The following FANCC variants were observed in gnomAD, a reference collection of about 807,000 sequenced individuals.
FANCC encodes the protein Fanconi anemia group C protein.
A neutral mutation model predicts 71.3 loss-of-function variants in FANCC; 55 were observed. That is an observed-to-expected ratio of 0.77 (90% CI 0.62 to 0.97). FANCC has a LOEUF of 0.97. FANCC is among the 50% of genes least tolerant of loss of function. FANCC has a pLI of 0.00. For synonymous variants in FANCC, 275 were observed against 244.9 expected (o/e 1.12, Z -1.15); for missense variants, 678 against 670.9 (o/e 1.01, Z -0.12).
At chr9:95,278,692 C>T (rs1365260859) in intron 1 of FANCC, among the ~76,000 whole-genome samples, 1 of 152,042 alleles carries the variant, frequency 6.6e-6, no homozygotes, top group Non-Finnish European at 1.5e-5. Flanking sequence ...ACAATATTTT[C>T]AACTTATGAT....
At chr9:95,170,785 G>C (rs568503664) in intron 6 of FANCC, among the ~76,000 whole-genome samples, 4 of 151,910 alleles carry the variant, frequency 2.6e-5, no homozygotes, top group African/African-American at 9.7e-5. Flanking sequence ...GTAAAACTAA[G>C]TACTGCTCTT....
chr9:95,259,591 G>A (rs1056960436), intron 1 of FANCC, among the ~76,000 whole-genome samples: 9 of 151,978 alleles, frequency 5.9e-5, no homozygotes, highest in African/African-American at 2.2e-4. Context: ...TAAAAACCCT[G>A]GAAGAAAACC....
intron 4 of FANCC, among the ~76,000 whole-genome samples, chr9:95,225,244 C>T (rs571251744): frequency 2.0e-5 from 3 of 152,282 alleles, no homozygotes; most frequent in African/African-American, 7.2e-5. Context: ...TCACTAGTGG[C>T]TATTCATTAA....
In FANCC at chr9:95,244,678, C is replaced by CAAAA. The variant is rs576605250; in HGVS notation, c.250+2750_250+2753dup. ...TAGGCAACAGAGCAAGACTTTGTCT[C>CAAAA]AAAAAAAAAAAAAAAAAAAAAAAAA... is the stretch of plus-strand genomic sequence containing the variant. On this transcript the variant is annotated intron_variant, in intron 3 of 14. Coordinates refer to ENST00000289081, the MANE Select transcript of FANCC (RefSeq NM_000136.3). 4.2e-3 allele frequency among the ~76,000 whole-genome samples: 175 copies of CAAAA among 41,580 alleles called. 3 individuals carry two copies. Among genetic ancestry groups the CAAAA allele is most frequent in the African/African-American group, 8.5e-3 (86 of 10,072 alleles). The allele number at this position is 41,580 out of a possible 152,430, so 27.3% of individuals were successfully genotyped here. A position where few individuals can be genotyped will look rare whatever the true frequency, so the allele number is the denominator to read the frequency against.
chr9:95,158,107 T>G (rs1412665616), intron 6 of FANCC, among the ~76,000 whole-genome samples: 2 of 152,152 alleles, frequency 1.3e-5, no homozygotes, highest in Non-Finnish European at 2.9e-5. Flanking sequence ...CAGGCAACTC[T>G]CCGGCCTACC....
In FANCC at chr9:95,214,961, T is replaced by G. The variant is rs539855937; in HGVS notation, c.345+25688A>C. ...GAATGTACTTAATACCACTGAACTA[T>G]ATACTTAAAAATGGTTAAGATAATA... On this transcript the variant is annotated intron_variant, in intron 4 of 14. Coordinates refer to ENST00000289081, the MANE Select transcript of FANCC (RefSeq NM_000136.3). Among the ~76,000 whole-genome samples the G allele has an allele frequency of 2.6e-5, 4 of 152,310 alleles. No homozygotes were observed. The South Asian group carries it at 8.3e-4, about 32-fold the overall frequency.
chr9:95,245,046 C>T (rs896787032), intron 3 of FANCC, among the ~76,000 whole-genome samples: 4 of 152,120 alleles, frequency 2.6e-5, no homozygotes, highest in Non-Finnish European at 1.5e-5. Flanking sequence ...AACCTCCCCA[C>T]GTTTCTCACA....
chr9:95,237,225 C>T (rs1830371950), intron 4 of FANCC, among the ~76,000 whole-genome samples: 2 of 152,196 alleles, frequency 1.3e-5, no homozygotes, highest in Admixed American at 1.3e-4. Flanking sequence ...CTCACCTGTT[C>T]CCTACCCACA....
rs568977569 is a variant in FANCC at position 95,145,965 on chromosome 9, T to C, written c.686+3958A>G. 2.7e-5 allele frequency among the ~76,000 whole-genome samples: 4 copies of C among 150,022 alleles called. No homozygotes were observed. The South Asian group carries it at 8.6e-4, about 32-fold the overall frequency. ...AATGTGTAGATCTGAACTCTGATTC[T>C]TTATTTTTTTTTATTTGAACTCTGA... On this transcript the variant is annotated intron_variant, in intron 7 of 14. Coordinates refer to ENST00000289081, the MANE Select transcript of FANCC (RefSeq NM_000136.3).
In FANCC at chr9:95,172,151, A is replaced by G; in HGVS notation, c.346-4T>C. 1 of 1,576,388 alleles carries G rather than the reference A, an allele frequency of 6.3e-7. No homozygotes were observed. The highest frequency in any genetic ancestry group is 2.2e-5 in the East Asian group (1 of 44,558). On this transcript the variant is annotated splice_polypyrimidine_tract_variant and splice_region_variant and intron_variant, in intron 4 of 14. Transcript: ENST00000289081. ...AAAGTATATGAGATAATACACCCTA[A>G]AAAACATAAACAGAAAAAGTTAACT...
At chr9:95,103,067 CCTT>C (rs1304712386) in intron 14 of FANCC, among the ~76,000 whole-genome samples, 7 of 152,150 alleles carry the variant, frequency 4.6e-5, no homozygotes, top group African/African-American at 1.7e-4. Context: ...TGCAGCCTGT[CCTT>C]CATCAAGGAA....
intron 1 of FANCC, among the ~76,000 whole-genome samples, chr9:95,263,533 TATAGATAGATAG>T (rs34461769): frequency 1.3e-4 from 19 of 147,254 alleles, no homozygotes; most frequent in African/African-American, 4.5e-4. Context: ...TATATATAGA[TATAGATAGATAG>T]ATAGATAGAT....
intron 3 of FANCC, among the ~76,000 whole-genome samples, chr9:95,242,479 C>CAAAAAA (rs1162048314): frequency 5.3e-4 from 30 of 56,196 alleles, no homozygotes; most frequent in East Asian, 9.2e-4. Context: ...CATTCACCAC[C>CAAAAAA]AAAAAAAAAA....
Position 95,101,507 on chromosome 9 carries a change from G to A in FANCC, c.*200C>T. 1.5e-6 allele frequency: 1 copy of A among 657,056 alleles called. No individual in the cohort carries two copies. Among genetic ancestry groups the A allele is most frequent in the South Asian group, 1.8e-5 (1 of 54,538 alleles). The allele number at this position is 657,056 out of a possible 1,614,324, so 40.7% of individuals were successfully genotyped here. ...ACTTGAGTCATTAGTGAACATGTCT[G>A]ACTGAGTCTGGGCTGAGGGACCTGG... On this transcript the variant is annotated 3_prime_UTR_variant, in exon 15 of 15. Coordinates refer to ENST00000289081, the MANE Select transcript of FANCC (RefSeq NM_000136.3).
rs116386627 is a variant in FANCC at position 95,194,254 on chromosome 9, G to C, written c.346-22107C>G. 9.9e-3 allele frequency among the ~76,000 whole-genome samples: 1,503 copies of C among 152,096 alleles called. 32 individuals are homozygous for C. Among genetic ancestry groups the C allele is most frequent in the African/African-American group, 0.034 (1,421 of 41,480 alleles). ...GTACTCCCTTTGTGGAGCTCTGCTGGTGACAAATTCTCCTACTTTTCGTTT... is the reference window on the plus strand; with the variant it reads ...GTACTCCCTTTGTGGAGCTCTGCTGCTGACAAATTCTCCTACTTTTCGTTT... On this transcript the variant is annotated intron_variant, in intron 4 of 14. Coordinates refer to ENST00000289081, the MANE Select transcript of FANCC (RefSeq NM_000136.3).
chr9:95,302,607 G>A (rs1205502488), intron 1 of FANCC, among the ~76,000 whole-genome samples: 2 of 152,210 alleles, frequency 1.3e-5, no homozygotes, highest in Non-Finnish European at 2.9e-5. Flanking sequence ...TTTAGCCTGT[G>A]AATCCTCAGA....
intron 1 of FANCC, among the ~76,000 whole-genome samples, chr9:95,287,486 C>T (rs549363970): frequency 6.6e-6 from 1 of 152,322 alleles, no homozygotes; most frequent in Non-Finnish European, 1.5e-5. Context: ...TTCCAGCTGT[C>T]AGAGGCAATG....
At chr9:95,119,510 C>T (rs2072702784) in intron 10 of FANCC, among the ~76,000 whole-genome samples, 1 of 151,796 alleles carries the variant, frequency 6.6e-6, no homozygotes, top group South Asian at 2.1e-4. Flanking sequence ...GGACTAAAGG[C>T]ACATGCCACT....
chr9:95,173,832 CA>C (rs1458484176), intron 4 of FANCC, among the ~76,000 whole-genome samples: 3 of 152,282 alleles, frequency 2.0e-5, no homozygotes, highest in East Asian at 1.9e-4. Context: ...GCAGGAGGAT[CA>C]CTCGAGCTCC....
Sources: gnomAD v4.1 joint callset for allele counts (sites outside exome capture counted in the v4.1 genomes callset) on GRCh38, gnomAD v4.1.1 for gene constraint, MANE v1.5 for transcripts, NCBI Gene and HGNC (gene_info 2026-07-23, HGNC 2026-07-21) for gene names.